CCDC66: variants seen among roughly 807,000 people sequenced by gnomAD.
CCDC66 encodes the protein coiled-coil domain containing 66.
A neutral mutation model predicts 128.3 loss-of-function variants in CCDC66; 133 were observed. The observed-to-expected ratio is 1.04, with a 90% CI of 0.90 to 1.20. CCDC66 has a LOEUF of 1.20. Ranked by LOEUF, CCDC66 falls within the 50% of genes most tolerant of loss-of-function variation. CCDC66 has a pLI of 0.00. For missense variants in CCDC66, 1,126 were observed against 1,075.5 expected (o/e 1.05, Z -0.66); for synonymous variants, 387 against 357.0 (o/e 1.08, Z -0.95).
intron 10 of CCDC66, among the ~76,000 whole-genome samples, chr3:56,597,412 T>C (rs2072193473): frequency 6.6e-6 from 1 of 152,068 alleles, no homozygotes; most frequent in Admixed American, 6.5e-5. Context: ...AAGTTTTGAA[T>C]TTTTTCTACT....
chr3:56,596,410 G>A (rs923597229), intron 10 of CCDC66, among the ~76,000 whole-genome samples: 3 of 151,702 alleles, frequency 2.0e-5, no homozygotes, highest in Non-Finnish European at 4.4e-5. Flanking sequence ...TGGATTTTTG[G>A]TGTGTGTGTG....
intron 4 of CCDC66, among the ~76,000 whole-genome samples, chr3:56,564,833 C>G (rs1481694603): frequency 6.6e-6 from 1 of 152,142 alleles, no homozygotes; most frequent in East Asian, 1.9e-4. Context: ...TTTGGGGACC[C>G]ATTAACTCCT....
At chr3:56,571,857 T>TAC (rs1399275741) in intron 7 of CCDC66, among the ~76,000 whole-genome samples, 23 of 152,130 alleles carry the variant, frequency 1.5e-4, no homozygotes, top group Admixed American at 1.5e-3. Flanking sequence ...TGGCTGGTAC[T>TAC]ACAGGTGTAC....
intron 7 of CCDC66, among the ~76,000 whole-genome samples, chr3:56,571,793 C>G (rs1391197820): frequency 6.6e-6 from 1 of 151,954 alleles, no homozygotes; most frequent in Non-Finnish European, 1.5e-5. Flanking sequence ...AACATAATTC[C>G]CTGCAGCCTT....
chr3:56,592,744 A>G (rs989310988), intron 7 of CCDC66, among the ~76,000 whole-genome samples: 1 of 152,008 alleles, frequency 6.6e-6, no homozygotes, highest in South Asian at 2.1e-4. Context: ...TTACACTTAG[A>G]TATCTTATTA....
In CCDC66 at chr3:56,557,189, A is replaced by G; in HGVS notation, c.-54A>G. On this transcript the variant is annotated 5_prime_UTR_variant, in exon 1 of 18. Coordinates refer to ENST00000394672, the MANE Select transcript of CCDC66 (RefSeq NM_001141947.3). ...TAGCGCTTGCTGAGCGGCGGCGGCA[A>G]CCGACGTACACAAGGGGCTTGAGCG... 6.4e-7 allele frequency: 1 copy of G among 1,551,208 alleles called. No individual in the cohort carries two copies. Among genetic ancestry groups the G allele is most frequent in the Admixed American group, 2.0e-5 (1 of 50,984 alleles).
At chr3:56,594,615 A>G (rs7630094) in intron 10 of CCDC66, among the ~76,000 whole-genome samples, 145,850 of 151,862 alleles carry the variant, frequency 0.96, 70,330 homozygotes, top group East Asian at 1. Context: ...CCTGGGAGGC[A>G]GAGCTTGCAG....
At position 56,619,278 on chromosome 3, in the gene CCDC66, T is replaced by TC. The variant is rs755790325; in HGVS notation, c.2387dup (p.Ser797IlefsTer25). 3 of 1,592,930 alleles carry TC rather than the reference T, an allele frequency of 1.9e-6. No homozygotes were observed. The highest frequency in any genetic ancestry group is 1.4e-5 in the African/African-American group (1 of 73,626). ...TATTTTTTTTTTAAATAGGTCTCCA[T>TC]CATCACCAGTTCCAGTAGTGAAAAA... On this transcript the variant is annotated frameshift_variant, in exon 16 of 18. Transcript: ENST00000394672. LOFTEE classifies it high-confidence loss of function.
chr3:56,577,828 A>G (rs1245470189), intron 7 of CCDC66, among the ~76,000 whole-genome samples: 1 of 151,714 alleles, frequency 6.6e-6, no homozygotes, highest in Non-Finnish European at 1.5e-5. Flanking sequence ...GTAACCTTGT[A>G]GTGTAGTTTG....
intron 1 of CCDC66, chr3:56,558,034 A>G (rs1019964230): frequency 1.1e-4 from 16 of 152,246 alleles, no homozygotes; most frequent in African/African-American, 3.4e-4. Context: ...TAACCCTACA[A>G]TAAGGAAAGC....
rs2076175263 is a variant in CCDC66 at position 56,620,049 on chromosome 3, A to T, written c.2760+148A>T. On this transcript the variant is annotated intron_variant, in intron 17 of 17. Transcript: ENST00000394672. ...AGTTCCTGTATGTTTGTTAGACACA[A>T]ATAAAATGGGACTTTCCTAAGACTT... is the stretch of plus-strand genomic sequence containing the variant. 9 of 786,204 alleles carry T rather than the reference A, an allele frequency of 1.1e-5. No homozygotes were observed. The South Asian group carries it at 1.8e-4, about 16-fold the overall frequency. The allele number at this position is 786,204 out of a possible 1,614,324, so 48.7% of individuals were successfully genotyped here.
At chr3:56,612,974 G>A (rs1467299827) in intron 10 of CCDC66, among the ~76,000 whole-genome samples, 1 of 152,158 alleles carries the variant, frequency 6.6e-6, no homozygotes, top group Non-Finnish European at 1.5e-5. Context: ...CAGCTGCATT[G>A]TAGCTCTGCT....
At chr3:56,564,396 T>C (rs952454800) in intron 4 of CCDC66, among the ~76,000 whole-genome samples, 2 of 152,208 alleles carry the variant, frequency 1.3e-5, no homozygotes, top group Admixed American at 1.3e-4. Flanking sequence ...ATTATTATAC[T>C]TATTTTAGAA....
chr3:56,567,521 T>C (rs2066027146), intron 6 of CCDC66, among the ~76,000 whole-genome samples: 1 of 152,210 alleles, frequency 6.6e-6, no homozygotes, highest in Non-Finnish European at 1.5e-5. Context: ...CATACAAATT[T>C]ATTAACATGC....
intron 17 of CCDC66, chr3:56,620,477 T>TTGATTCACTATATACTCTCTG (rs2076284327): frequency 6.6e-6 from 1 of 152,452 alleles, no homozygotes; most frequent in African/African-American, 2.4e-5. Flanking sequence ...GTAGTTAGTT[T>TTGATTCACTATATACTCTCTG]TGATTCACTA....
chr3:56,586,020 A>G (rs1036304385), intron 7 of CCDC66, among the ~76,000 whole-genome samples: 2 of 151,938 alleles, frequency 1.3e-5, no homozygotes, highest in African/African-American at 4.8e-5. Context: ...AGACTAGTAC[A>G]TACATAAACA....
At chr3:56,561,040 A>G (rs976330831) in intron 3 of CCDC66, 3 of 429,878 alleles carry the variant, frequency 7.0e-6, no homozygotes, top group Admixed American at 5.5e-5. Flanking sequence ...AATTCCACAA[A>G]CTACATATAA....
intron 10 of CCDC66, among the ~76,000 whole-genome samples, chr3:56,610,129 G>A (rs2074593373): frequency 6.6e-6 from 1 of 152,194 alleles, no homozygotes; most frequent in Non-Finnish European, 1.5e-5. Context: ...TCTTTAGCAA[G>A]GCCAGGGAAG....
At position 56,566,935 on chromosome 3, in the gene CCDC66, T is replaced by C; in HGVS notation, c.711-15T>C. The C allele has an allele frequency of 6.3e-7, 1 of 1,597,062 alleles. No individual in the cohort carries two copies. Among genetic ancestry groups the C allele is most frequent in the East Asian group, 2.2e-5 (1 of 44,774 alleles). Reference sequence around the variant, plus strand: ...GTATGATACAGTTTCTGTTATCTTTTGTGTTTTACCTTAGAGAGAATGAAT... The same window carrying C: ...GTATGATACAGTTTCTGTTATCTTTCGTGTTTTACCTTAGAGAGAATGAAT... On this transcript the variant is annotated splice_polypyrimidine_tract_variant and intron_variant, in intron 5 of 17. Coordinates refer to ENST00000394672, the MANE Select transcript of CCDC66 (RefSeq NM_001141947.3).
Sources: allele counts gnomAD v4.1 joint callset (sites outside exome capture counted in the v4.1 genomes callset), GRCh38; gene constraint gnomAD v4.1.1; transcripts MANE v1.5; gene names NCBI Gene and HGNC (gene_info 2026-07-23, HGNC 2026-07-21).